Variants in SLBP observed in about 807,000 individuals in gnomAD.
SLBP encodes the protein stem-loop histone mRNA binding protein, also known as histone RNA hairpin-binding protein.
Under a neutral mutation model 39.2 loss-of-function variants are expected in SLBP, and 29 were observed. The ratio of observed to expected loss-of-function variants is 0.74; its 90% CI spans 0.55 to 1.01. SLBP has a LOEUF of 1.01. SLBP is among the 50% of genes least tolerant of loss of function. SLBP has a pLI of 0.00. For missense variants in SLBP, 390 were observed against 350.2 expected, an observed-to-expected ratio of 1.11 and a Z score of -0.91; for synonymous variants, 129 against 118.7, an observed-to-expected ratio of 1.09 and a Z score of -0.57.
At chr4:1,706,692 G>A (rs964390559) in intron 2 of SLBP, among the ~76,000 whole-genome samples, 1 of 152,194 alleles carries the variant, frequency 6.6e-6, no homozygotes, top group Non-Finnish European at 1.5e-5. Context: ...TGTAATCCCA[G>A]CTACTAGGGA....
intron 2 of SLBP, 102 bp downstream of exon 2, chr4:1,711,772 G>A (rs886065064): frequency 1.4e-5 from 8 of 567,902 alleles, no homozygotes; most frequent in East Asian, 3.6e-5. Context: ...GCAGGGTGCC[G>A]ACCTGACCGA....
intron 6 of SLBP, 49 bp downstream of exon 6, chr4:1,696,153 C>A: frequency 1.3e-6 from 2 of 1,488,606 alleles, no homozygotes; most frequent in South Asian, 2.6e-5. Flanking sequence ...CTGCTCCAGT[C>A]ACTGGACCAA....
At chr4:1,706,504 C>T (rs1053577072) in intron 2 of SLBP, among the ~76,000 whole-genome samples, 2 of 152,120 alleles carry the variant, frequency 1.3e-5, no homozygotes, top group Non-Finnish European at 2.9e-5. Flanking sequence ...AGATAGTCTT[C>T]AGTCAATATT....
chr4:1,705,778 T>C (rs1169226686), intron 2 of SLBP, among the ~76,000 whole-genome samples: 1 of 152,216 alleles, frequency 6.6e-6, no homozygotes, highest in Non-Finnish European at 1.5e-5. Context: ...GCAGTATTTA[T>C]ACATTGTGAG....
At chr4:1,699,464 G>T (rs1355661100) in intron 5 of SLBP, 100 bp downstream of exon 5, 5 of 1,169,918 alleles carry the variant, frequency 4.3e-6, no homozygotes, top group South Asian at 2.7e-5. Context: ...TAGCAGGTGT[G>T]AACTATCCCC....
intron 5 of SLBP, among the ~76,000 whole-genome samples, chr4:1,698,889 T>G (rs1716223593): frequency 6.6e-6 from 1 of 152,110 alleles, no homozygotes; most frequent in Non-Finnish European, 1.5e-5. Context: ...ATTCCTGGGC[T>G]GAAGCAGTTC....
intron 2 of SLBP, among the ~76,000 whole-genome samples, chr4:1,708,362 C>G (rs972900874): frequency 2.6e-5 from 4 of 152,214 alleles, no homozygotes; most frequent in African/African-American, 7.2e-5. Flanking sequence ...GAATAATCCT[C>G]TTATGTAATT....
At chr4:1,702,882 T>TC (rs1325738889) in intron 3 of SLBP, among the ~76,000 whole-genome samples, 2 of 152,134 alleles carry the variant, frequency 1.3e-5, no homozygotes, top group Admixed American at 6.6e-5. Flanking sequence ...GAGAGAGCAC[T>TC]CCATCTACTG....
In SLBP at chr4:1,694,816, T is replaced by C. The variant is rs1376076685; in HGVS notation, c.654A>G (p.Ala218=). The C allele has an allele frequency of 6.2e-6, 10 of 1,613,706 alleles. No homozygotes were observed. The highest frequency in any genetic ancestry group is 1.6e-4 in the Middle Eastern group (1 of 6,084). ...QEIHPVDLES[A]ESSSEPQTSS... The stretch of plus-strand genomic sequence containing the variant: ...TGGTCTGGGGCTCGGAGCTGCTTTC[T>C]GCAGATTCAAGGTCTACAGGGTGTC... Residue 218 remains alanine (A), a synonymous_variant, in exon 7 of 8, where the codon GCA becomes GCG. Transcript: ENST00000489418.
rs1423313754 is a variant in SLBP, at chr4:1,696,303, CT to C, written c.527del (p.Lys176ArgfsTer38). On this transcript the variant is annotated frameshift_variant, in exon 6 of 8. Coordinates refer to ENST00000489418, the MANE Select transcript of SLBP (RefSeq NM_006527.4). LOFTEE classifies it high-confidence loss of function. Reference sequence around the variant, plus strand: ...GGTCCCATGAACGTCGACTATACTTCTTAAATTTATTAGGGGTCTTGGGATG... The same window carrying C: ...GGTCCCATGAACGTCGACTATACTTCTAAATTTATTAGGGGTCTTGGGATG... ...GIHPKTPNKF[K>X]KYSRRSWDQQ... 5 of 1,601,006 alleles carry C rather than the reference CT, an allele frequency of 3.1e-6. No homozygotes were observed. Among genetic ancestry groups the C allele is most frequent in the Non-Finnish European group, 4.3e-6 (5 of 1,174,414 alleles).
chr4:1,698,679 T>C (rs777668367), intron 5 of SLBP, among the ~76,000 whole-genome samples: 2 of 151,826 alleles, frequency 1.3e-5, no homozygotes, highest in African/African-American at 4.8e-5. Context: ...AGAGACGGGG[T>C]TCCACCGTGT....
chr4:1,705,123 C>G (rs1159968426), intron 2 of SLBP, among the ~76,000 whole-genome samples: 1 of 152,156 alleles, frequency 6.6e-6, no homozygotes, highest in Admixed American at 6.5e-5. Flanking sequence ...GGCTGAGTTT[C>G]TCCATGTTGG....
intron 2 of SLBP, among the ~76,000 whole-genome samples, 175 bp downstream of exon 2, chr4:1,711,699 G>A (rs998472228): frequency 2.0e-5 from 3 of 152,216 alleles, no homozygotes; most frequent in African/African-American, 4.8e-5. Flanking sequence ...GTGTTCCAGC[G>A]CCTCCCAGGC....
intron 2 of SLBP, among the ~76,000 whole-genome samples, chr4:1,709,545 T>C (rs982764297): frequency 2.0e-5 from 3 of 152,166 alleles, no homozygotes; most frequent in African/African-American, 7.2e-5. Flanking sequence ...AGGAGATTCA[T>C]TGAAACCGCT....
intron 2 of SLBP, among the ~76,000 whole-genome samples, chr4:1,703,923 G>C (rs140783226): frequency 6.6e-6 from 1 of 152,034 alleles, no homozygotes; most frequent in African/African-American, 2.4e-5. Flanking sequence ...AAAAATAAAA[G>C]CATTATATCA....
intron 7 of SLBP, among the ~76,000 whole-genome samples, chr4:1,694,105 C>CA (rs1440198885): frequency 6.6e-6 from 1 of 152,208 alleles, no homozygotes; most frequent in East Asian, 1.9e-4. Flanking sequence ...TCTCTTGAGA[C>CA]AGAGTCTCAC....
At chr4:1,706,677 G>A (rs777988104) in intron 2 of SLBP, among the ~76,000 whole-genome samples, 35 of 151,738 alleles carry the variant, frequency 2.3e-4, no homozygotes, top group Non-Finnish European at 4.1e-4. Flanking sequence ...GTGGCAGCGC[G>A]TGTCTGTAAT....
At chr4:1,707,743 G>C (rs981844983) in intron 2 of SLBP, among the ~76,000 whole-genome samples, 1 of 149,128 alleles carries the variant, frequency 6.7e-6, no homozygotes, top group Non-Finnish European at 1.5e-5. Flanking sequence ...TCGGGAGTTT[G>C]AGACCAGCCT....
In SLBP at chr4:1,712,258, A is replaced by C. The variant is rs1335250721; in HGVS notation, c.-70T>G. ...GCGGCGGCGCGGGCAGAGAGCGCAGAGTAGAGCAGGGCAGGGCCTGAGGCA... is the reference window on the plus strand; with the variant it reads ...GCGGCGGCGCGGGCAGAGAGCGCAGCGTAGAGCAGGGCAGGGCCTGAGGCA... On this transcript the variant is annotated 5_prime_UTR_variant, in exon 1 of 8. Coordinates refer to ENST00000489418, the MANE Select transcript of SLBP (RefSeq NM_006527.4). The C allele has an allele frequency of 5.0e-6, 5 of 1,006,152 alleles. No individual in the cohort carries two copies. The East Asian group carries it at 1.5e-4, about 30-fold the overall frequency. The allele number at this position is 1,006,152 out of a possible 1,614,324, so 62.3% of individuals were successfully genotyped here. A position where few individuals can be genotyped will look rare whatever the true frequency, so the allele number is the denominator to read the frequency against.
Sources: allele counts gnomAD v4.1 joint callset (sites outside exome capture counted in the v4.1 genomes callset), GRCh38; gene constraint gnomAD v4.1.1; transcripts MANE v1.5; gene names NCBI Gene and HGNC (gene_info 2026-07-23, HGNC 2026-07-21).